The following KCNIP4 variants were observed in gnomAD, a reference collection of about 807,000 sequenced individuals.
KCNIP4 encodes Kv channel-interacting protein 4.
Under a neutral mutation model 34.0 loss-of-function variants are expected in KCNIP4, and 12 were observed. The ratio of observed to expected loss-of-function variants is 0.35; its 90% CI spans 0.23 to 0.57. KCNIP4 has a LOEUF of 0.57. KCNIP4 is among the 20% of genes least tolerant of loss of function. The probability of loss-of-function intolerance (pLI) is 0.83; values close to 1 mark genes in which losing one functional copy is unlikely to be tolerated. For synonymous variants in KCNIP4, 124 were observed against 102.2 expected (o/e 1.21, Z -1.29); for missense variants, 238 against 311.7 (o/e 0.76, Z 1.78).
chr4:21,867,957 T>C (rs542630241), intron 1 of KCNIP4, among the ~76,000 whole-genome samples: 2 of 152,300 alleles, frequency 1.3e-5, no homozygotes, highest in East Asian at 3.9e-4. Flanking sequence ...TATATTTTTG[T>C]CAGTTACCTT....
chr4:20,890,510 AT>A (rs1486794679), intron 1 of KCNIP4, among the ~76,000 whole-genome samples: 1 of 152,180 alleles, frequency 6.6e-6, no homozygotes, highest in Non-Finnish European at 1.5e-5. Context: ...ACTAATATAT[AT>A]TTGTTGAGTG....
At chr4:21,831,663 C>CAAAAAAAAAAA (rs141374886) in intron 1 of KCNIP4, among the ~76,000 whole-genome samples, 2 of 73,220 alleles carry the variant, frequency 2.7e-5, no homozygotes, top group African/African-American at 1.2e-4. Context: ...CATTTTTCAT[C>CAAAAAAAAAAA]AAAAAAAAAA....
At chr4:20,998,505 C>T (rs1295558284) in intron 1 of KCNIP4, among the ~76,000 whole-genome samples, 2 of 152,174 alleles carry the variant, frequency 1.3e-5, no homozygotes, top group African/African-American at 4.8e-5. Flanking sequence ...TAAGGGAAAA[C>T]TTCCATAAGG....
At chr4:21,622,745 T>C (rs1745075310) in intron 1 of KCNIP4, among the ~76,000 whole-genome samples, 1 of 152,184 alleles carries the variant, frequency 6.6e-6, no homozygotes, top group South Asian at 2.1e-4. Flanking sequence ...CTTAAAAAAA[T>C]AGTTTGAAAA....
chr4:20,895,748 G>C (rs1296404065), intron 1 of KCNIP4, among the ~76,000 whole-genome samples: 5 of 152,194 alleles, frequency 3.3e-5, no homozygotes, highest in Non-Finnish European at 7.3e-5. Context: ...TTACAATCTT[G>C]TGAATATCCA....
chr4:21,355,124 C>A (rs1011282665), intron 1 of KCNIP4, among the ~76,000 whole-genome samples: 1 of 152,060 alleles, frequency 6.6e-6, no homozygotes, highest in African/African-American at 2.4e-5. Context: ...ACACAATGTA[C>A]CAGATTCTCT....
chr4:21,223,361 C>A (rs1758119303), intron 1 of KCNIP4, among the ~76,000 whole-genome samples: 1 of 152,198 alleles, frequency 6.6e-6, no homozygotes, highest in African/African-American at 2.4e-5. Flanking sequence ...GAAACCAGCC[C>A]TGCTAGCTTA....
At chr4:21,773,598 C>T (rs539818595) in intron 1 of KCNIP4, among the ~76,000 whole-genome samples, 1 of 152,140 alleles carries the variant, frequency 6.6e-6, no homozygotes, top group Admixed American at 6.5e-5. Flanking sequence ...TCTGGGTGTT[C>T]CTGTATTGGG....
intron 1 of KCNIP4, among the ~76,000 whole-genome samples, chr4:21,866,771 T>C (rs943279168): frequency 7.3e-6 from 1 of 137,152 alleles, no homozygotes; most frequent in African/African-American, 2.7e-5. Flanking sequence ...GATTTTTTTT[T>C]TTTTTTTTTT....
At chr4:21,098,492 G>A (rs1203144212) in intron 1 of KCNIP4, among the ~76,000 whole-genome samples, 2 of 152,140 alleles carry the variant, frequency 1.3e-5, no homozygotes, top group Non-Finnish European at 2.9e-5. Flanking sequence ...AGAAATCCTA[G>A]TGTCCCTAAG....
chr4:21,075,364 G>A (rs1421435113), intron 1 of KCNIP4, among the ~76,000 whole-genome samples: 1 of 152,154 alleles, frequency 6.6e-6, no homozygotes, highest in Non-Finnish European at 1.5e-5. Flanking sequence ...AGCTCTTCTT[G>A]TTGAATTGAT....
intron 1 of KCNIP4, among the ~76,000 whole-genome samples, chr4:21,156,808 C>T (rs1296661008): frequency 1.3e-5 from 2 of 151,920 alleles, no homozygotes; most frequent in African/African-American, 4.8e-5. Context: ...ATTCTAAACT[C>T]CTATATTTTG....
intron 1 of KCNIP4, among the ~76,000 whole-genome samples, chr4:21,209,362 C>T (rs1757072258): frequency 6.6e-6 from 1 of 152,030 alleles, no homozygotes; most frequent in Non-Finnish European, 1.5e-5. Context: ...TCCTATCTAG[C>T]TGTAATTTTG....
At chr4:21,232,976 G>C (rs1292135052) in intron 1 of KCNIP4, among the ~76,000 whole-genome samples, 1 of 152,078 alleles carries the variant, frequency 6.6e-6, no homozygotes, top group Non-Finnish European at 1.5e-5. Flanking sequence ...ACTTAATCTG[G>C]AATTTGAAGG....
At chr4:21,408,057 C>T (rs1724153755) in intron 1 of KCNIP4, among the ~76,000 whole-genome samples, 1 of 152,144 alleles carries the variant, frequency 6.6e-6, no homozygotes, top group African/African-American at 2.4e-5. Flanking sequence ...CACACAAAGG[C>T]TCTATAGAAT....
rs35983306 is a variant in KCNIP4 at position 21,151,406 on chromosome 4, ATT to A, written c.62-268699_62-268698del. Among the ~76,000 whole-genome samples the A allele has an allele frequency of 2.1e-4, 11 of 51,308 alleles. No individual in the cohort carries two copies. In the East Asian group the frequency reaches 3.5e-3, roughly 16 times the overall value. The allele number at this position is 51,308 out of a possible 152,430, so 33.7% of individuals were successfully genotyped here. On this transcript the variant is annotated intron_variant, in intron 1 of 8. Coordinates refer to ENST00000382152, the MANE Select transcript of KCNIP4 (RefSeq NM_025221.6). Reference sequence around the variant, plus strand: ...GAATGGATGTCTTCAACAAAAGACAATTTTTTTTTTTTTTTTTTTTTTTTTTT... The same window carrying A: ...GAATGGATGTCTTCAACAAAAGACAATTTTTTTTTTTTTTTTTTTTTTTTT...
At chr4:21,679,791 C>A (rs1344381558) in intron 1 of KCNIP4, among the ~76,000 whole-genome samples, 1 of 152,174 alleles carries the variant, frequency 6.6e-6, no homozygotes, top group Non-Finnish European at 1.5e-5. Context: ...TTTGTTTACA[C>A]TGTACTGTAG....
Position 20,820,032 on chromosome 4 carries a change from G to C in KCNIP4, c.288+30511C>G, listed in dbSNP as rs1048707350. Among the ~76,000 whole-genome samples the C allele has an allele frequency of 3.9e-5, 6 of 152,304 alleles. No homozygotes were observed. The East Asian group carries it at 9.6e-4, about 24-fold the overall frequency. On this transcript the variant is annotated intron_variant, in intron 3 of 8. Transcript: ENST00000382152. ...CTGTTAACAAATATATAAAATTGTG[G>C]AACAAGATAATGCAGAGAGGCTGGT...
chr4:21,148,071 C>T (rs1752513248), intron 1 of KCNIP4, among the ~76,000 whole-genome samples: 1 of 151,402 alleles, frequency 6.6e-6, no homozygotes, highest in African/African-American at 2.4e-5. Context: ...CCAAAGACTA[C>T]TCAATGAATA....
Sources: allele counts gnomAD v4.1 joint callset (sites outside exome capture counted in the v4.1 genomes callset), GRCh38; gene constraint gnomAD v4.1.1; transcripts MANE v1.5; gene names NCBI Gene and HGNC (gene_info 2026-07-23, HGNC 2026-07-21).